The following PRKCA variants were observed in gnomAD, a reference collection of about 807,000 sequenced individuals.
PRKCA encodes protein kinase C alpha.
PRKCA carries 27 observed loss-of-function variants against 87.0 expected under a neutral mutation model. The ratio of observed to expected loss-of-function variants is 0.31; its 90% CI spans 0.23 to 0.43. The LOEUF (loss-of-function observed/expected upper bound fraction) is 0.43. PRKCA is among the 20% of genes least tolerant of loss of function. The pLI is 1.00. For synonymous variants in PRKCA, 329 were observed against 311.1 expected, an observed-to-expected ratio of 1.06 and a Z score of -0.61; for missense variants, 518 against 852.3, an observed-to-expected ratio of 0.61 and a Z score of 4.88.
chr17:66,643,182 A>G (rs1296242231), intron 4 of PRKCA, among the ~76,000 whole-genome samples: 6 of 152,222 alleles, frequency 3.9e-5, no homozygotes, highest in Non-Finnish European at 7.3e-5. Flanking sequence ...AAATATTTGA[A>G]TGTGTTACAT....
intron 14 of PRKCA, chr17:66,777,430 C>T: frequency 4.2e-6 from 1 of 237,176 alleles, no homozygotes; most frequent in African/African-American, 3.5e-5. Context: ...TTCCCCTCCC[C>T]CCACCCCAAA....
intron 2 of PRKCA, among the ~76,000 whole-genome samples, chr17:66,408,719 A>G (rs1292066031): frequency 6.6e-6 from 1 of 152,138 alleles, no homozygotes; most frequent in Non-Finnish European, 1.5e-5. Context: ...GCTGCTCATT[A>G]GTTGAGTTGA....
At chr17:66,798,439 G>A (rs1437092611) in intron 16 of PRKCA, among the ~76,000 whole-genome samples, 11 of 117,948 alleles carry the variant, frequency 9.3e-5, no homozygotes, top group African/African-American at 2.5e-4. Context: ...TGGTGACGGT[G>A]GTGGTGGTGG....
intron 2 of PRKCA, among the ~76,000 whole-genome samples, chr17:66,448,689 C>G (rs1009913056): frequency 3.0e-4 from 45 of 152,108 alleles, no homozygotes; most frequent in African/African-American, 1.1e-3. Flanking sequence ...TGACTCTTGA[C>G]ATATGATTTG....
Position 66,618,353 on chromosome 17 carries a change from C to CAAA in PRKCA, c.289-22988_289-22986dup, listed in dbSNP as rs34535549. On this transcript the variant is annotated intron_variant, in intron 3 of 16. Coordinates refer to ENST00000413366, the MANE Select transcript of PRKCA (RefSeq NM_002737.3). ...CTGGCCAATGAGTGAAACCCTATCG[C>CAAA]AAAAAAAAAAAAAAAAGAACATAGT... Among the ~76,000 whole-genome samples, 9 of 134,230 alleles carry CAAA rather than the reference C, an allele frequency of 6.7e-5. No homozygotes were observed. The East Asian group carries it at 1.5e-3, about 23-fold the overall frequency. 88.1% of individuals were successfully genotyped at this position (134,230 alleles called of 152,430 possible).
At chr17:66,424,598 C>CAT (rs1912690365) in intron 2 of PRKCA, among the ~76,000 whole-genome samples, 1 of 150,514 alleles carries the variant, frequency 6.6e-6, no homozygotes, top group Non-Finnish European at 1.5e-5. Context: ...CACACACACA[C>CAT]ATCTTTGAAG....
chr17:66,625,044 C>T (rs895519251), intron 3 of PRKCA, among the ~76,000 whole-genome samples: 21 of 152,222 alleles, frequency 1.4e-4, no homozygotes, highest in African/African-American at 5.1e-4. Flanking sequence ...GATGAACAAA[C>T]CCTTCATCTT....
chr17:66,586,831 G>A (rs1969611684), intron 3 of PRKCA, among the ~76,000 whole-genome samples: 1 of 152,268 alleles, frequency 6.6e-6, no homozygotes, highest in Non-Finnish European at 1.5e-5. Flanking sequence ...GTCAGACTCA[G>A]TCGGGATACA....
intron 5 of PRKCA, among the ~76,000 whole-genome samples, chr17:66,646,901 C>T (rs1361328211): frequency 6.6e-6 from 1 of 152,210 alleles, no homozygotes; most frequent in Non-Finnish European, 1.5e-5. Context: ...ATCATAGATA[C>T]AGAATCCCTT....
intron 2 of PRKCA, 200 bp downstream of exon 2, chr17:66,306,327 G>C: frequency 3.3e-6 from 1 of 300,134 alleles, no homozygotes; most frequent in Non-Finnish European, 5.7e-6. Context: ...TTTCTCATTG[G>C]AAAAAAAAAA....
In PRKCA at chr17:66,797,080, G is replaced by C. The variant is rs903004993; in HGVS notation, c.1855-6793G>C. On this transcript the variant is annotated intron_variant, in intron 16 of 16. Coordinates refer to ENST00000413366, the MANE Select transcript of PRKCA (RefSeq NM_002737.3). ...CCATGGGGTTGTATTCTACATGACT[G>C]AGACGCCGAGGTAAAGGGCAGGGGT... is the stretch of plus-strand genomic sequence containing the variant. The C allele has an allele frequency of 5.0e-6, 4 of 806,994 alleles. No homozygotes were observed. In the African/African-American group the frequency reaches 7.5e-5, roughly 15 times the overall value. The allele number at this position is 806,994 out of a possible 1,614,324, so 50.0% of individuals were successfully genotyped here.
chr17:66,767,148 C>A (rs889339519), intron 13 of PRKCA, among the ~76,000 whole-genome samples: 2 of 152,088 alleles, frequency 1.3e-5, no homozygotes, highest in Non-Finnish European at 2.9e-5. Context: ...ACTTAGAGAA[C>A]CTATTTTCTC....
intron 8 of PRKCA, among the ~76,000 whole-genome samples, chr17:66,695,362 A>G (rs1376636942): frequency 1.3e-5 from 2 of 152,236 alleles, no homozygotes; most frequent in Admixed American, 6.5e-5. Context: ...TTGCTCCAGT[A>G]TCACAATGAC....
chr17:66,493,925 TC>T (rs1363474079), intron 2 of PRKCA, among the ~76,000 whole-genome samples: 1 of 152,234 alleles, frequency 6.6e-6, no homozygotes, highest in Admixed American at 6.5e-5. Flanking sequence ...ATTATAGGCC[TC>T]AATCTATTCT....
intron 8 of PRKCA, among the ~76,000 whole-genome samples, chr17:66,716,871 C>T (rs1254510269): frequency 1.3e-5 from 2 of 152,158 alleles, no homozygotes; most frequent in Non-Finnish European, 2.9e-5. Flanking sequence ...TTATTTTAAC[C>T]GTGGCAACAG....
At chr17:66,796,664 C>T in intron 16 of PRKCA, 1 of 985,356 alleles carries the variant, frequency 1.0e-6, no homozygotes, top group Non-Finnish European at 1.2e-6. Context: ...TGCTGGATAG[C>T]TCCTTAGTAT....
At chr17:66,399,100 CT>C (rs143646957) in intron 2 of PRKCA, among the ~76,000 whole-genome samples, 14 of 117,266 alleles carry the variant, frequency 1.2e-4, no homozygotes, top group Admixed American at 1.9e-4. Flanking sequence ...CTTTTCTTTT[CT>C]TTTTTTTTTT....
intron 13 of PRKCA, among the ~76,000 whole-genome samples, chr17:66,760,104 A>G (rs1006037958): frequency 1.3e-5 from 2 of 152,348 alleles, no homozygotes; most frequent in East Asian, 3.9e-4. Context: ...GCAGAATAAC[A>G]TACATTCTTC....
intron 3 of PRKCA, among the ~76,000 whole-genome samples, chr17:66,512,125 C>T (rs531173746): frequency 1.3e-5 from 2 of 152,238 alleles, no homozygotes; most frequent in African/African-American, 4.8e-5. Flanking sequence ...GTTTACCCTC[C>T]ACAGTAGCTA....
Sources: allele counts gnomAD v4.1 joint callset (sites outside exome capture counted in the v4.1 genomes callset), GRCh38; gene constraint gnomAD v4.1.1; transcripts MANE v1.5; gene names NCBI Gene and HGNC (gene_info 2026-07-23, HGNC 2026-07-21).